PRKCH: variants seen among roughly 807,000 people sequenced by gnomAD.
PRKCH encodes protein kinase C eta type.
Under a neutral mutation model 82.5 loss-of-function variants are expected in PRKCH, and 28 were observed. The observed-to-expected ratio is 0.34, with a 90% CI of 0.25 to 0.47. PRKCH has a LOEUF of 0.47. Among genes scored for constraint, PRKCH ranks in the 20% least tolerant of loss-of-function variants. The pLI, the probability that PRKCH is intolerant of heterozygous loss-of-function variation, is 1.00. For missense variants in PRKCH, 705 were observed against 881.8 expected (o/e 0.80, Z 2.54); for synonymous variants, 322 against 327.4 (o/e 0.98, Z 0.18).
chr14:61,517,939 T>C (rs767545808), intron 10 of PRKCH, among the ~76,000 whole-genome samples: 10 of 152,232 alleles, frequency 6.6e-5, no homozygotes, highest in Non-Finnish European at 1.5e-4. Context: ...TTTGTCCTCC[T>C]GCCCTTGAGT....
rs1369836464 is a variant in PRKCH, at chr14:61,428,038, TATATATAGATAG to T, written c.428-15069_428-15058del. 1.4e-3 allele frequency among the ~76,000 whole-genome samples: 41 copies of T among 29,988 alleles called. No homozygotes were observed. In the Admixed American group the frequency reaches 0.017, roughly 12 times the overall value. The allele number at this position is 29,988 out of a possible 152,430, so 19.7% of individuals were successfully genotyped here. A position where few individuals can be genotyped will look rare whatever the true frequency, so the allele number is the denominator to read the frequency against. ...GTGAAACCTCATCTCCACAAATATA[TATATATAGATAG>T]ATAGATAGATAGATAGATAGATAGA... On this transcript the variant is annotated intron_variant, in intron 2 of 13. Transcript: ENST00000332981.
At chr14:61,368,003 C>T (rs1001950644) in intron 1 of PRKCH, among the ~76,000 whole-genome samples, 11 of 151,948 alleles carry the variant, frequency 7.2e-5, no homozygotes, top group Non-Finnish European at 1.3e-4. Flanking sequence ...CGTGAGCCAC[C>T]GCGCCCAGCC....
chr14:61,409,703 C>CAAAAAAAA (rs56238869), intron 2 of PRKCH, among the ~76,000 whole-genome samples: 1 of 56,114 alleles, frequency 1.8e-5, no homozygotes, highest in African/African-American at 7.0e-5. Context: ...GACCCTGTCT[C>CAAAAAAAA]AAAAAAAAAA....
chr14:61,311,348 A>T (rs1437632075), intron 1 of PRKCH, among the ~76,000 whole-genome samples: 2 of 152,200 alleles, frequency 1.3e-5, no homozygotes, highest in Admixed American at 1.3e-4. Context: ...CTTCAGAGGC[A>T]AAATGCCATC....
intron 2 of PRKCH, among the ~76,000 whole-genome samples, chr14:61,392,341 G>A (rs2140203752): frequency 6.6e-6 from 1 of 152,160 alleles, no homozygotes; most frequent in Middle Eastern, 3.4e-3. Flanking sequence ...CTTCCAGATG[G>A]TTTCCAAAGT....
At chr14:61,339,262 C>T (rs998970533) in intron 1 of PRKCH, among the ~76,000 whole-genome samples, 1 of 151,896 alleles carries the variant, frequency 6.6e-6, no homozygotes, top group African/African-American at 2.4e-5. Flanking sequence ...CTCCCTGGGC[C>T]AGGCCTTCCC....
At chr14:61,188,089 G>A (rs67398447) in intron 1 of PRKCH, among the ~76,000 whole-genome samples, 46,126 of 152,136 alleles carry the variant, frequency 0.3, 7,158 homozygotes, top group Admixed American at 0.39. Flanking sequence ...GGGAGGATTA[G>A]GTGAGATAAC....
chr14:61,365,473 C>T (rs2046286589), intron 1 of PRKCH, among the ~76,000 whole-genome samples: 1 of 152,006 alleles, frequency 6.6e-6, no homozygotes, highest in South Asian at 2.1e-4. Context: ...TTGTTAGTTT[C>T]TGTAGACTAC....
At chr14:61,328,181 C>G (rs888017216) in intron 1 of PRKCH, among the ~76,000 whole-genome samples, 2 of 136,830 alleles carry the variant, frequency 1.5e-5, no homozygotes, top group Non-Finnish European at 3.0e-5. Context: ...ACCCGGGAAG[C>G]GGAGCTTGCA....
intron 1 of PRKCH, among the ~76,000 whole-genome samples, chr14:61,236,762 A>C (rs1176442062): frequency 6.7e-6 from 1 of 150,132 alleles, no homozygotes; most frequent in South Asian, 2.1e-4. Flanking sequence ...CAGTCCCACC[A>C]AAACCAAGAT....
intron 1 of PRKCH, among the ~76,000 whole-genome samples, chr14:61,197,662 C>T (rs1175465059): frequency 6.6e-6 from 1 of 152,158 alleles, no homozygotes; most frequent in African/African-American, 2.4e-5. Flanking sequence ...GAGCAGAGCC[C>T]TCATGACCGT....
chr14:61,188,717 G>GTGTGTC (rs2044387597), intron 1 of PRKCH, among the ~76,000 whole-genome samples: 1 of 146,940 alleles, frequency 6.8e-6, no homozygotes, highest in Non-Finnish European at 1.5e-5. Flanking sequence ...GTGTGTGTGT[G>GTGTGTC]TGTGTGTGTG....
intron 10 of PRKCH, among the ~76,000 whole-genome samples, chr14:61,515,802 G>T (rs1231729006): frequency 6.6e-6 from 1 of 152,144 alleles, no homozygotes; most frequent in Non-Finnish European, 1.5e-5. Context: ...CTCTTTATCA[G>T]TGTTGATTCT....
intron 1 of PRKCH, among the ~76,000 whole-genome samples, chr14:61,250,501 T>C (rs1387959342): frequency 6.6e-6 from 1 of 152,090 alleles, no homozygotes; most frequent in Non-Finnish European, 1.5e-5. Context: ...AGGCTACATG[T>C]TGTATGATTC....
At chr14:61,495,471 T>A (rs1202412329) in intron 10 of PRKCH, among the ~76,000 whole-genome samples, 1 of 152,238 alleles carries the variant, frequency 6.6e-6, no homozygotes, top group East Asian at 1.9e-4. Flanking sequence ...ATTTATTTGC[T>A]GAACAAGAAA....
intron 10 of PRKCH, among the ~76,000 whole-genome samples, chr14:61,519,446 G>A (rs971989170): frequency 7.9e-5 from 12 of 152,122 alleles, no homozygotes; most frequent in African/African-American, 2.9e-4. Flanking sequence ...ATTCAAATAG[G>A]AGTCATTTTT....
intron 1 of PRKCH, among the ~76,000 whole-genome samples, chr14:61,330,598 A>G (rs2045771880): frequency 6.6e-6 from 1 of 152,208 alleles, no homozygotes; most frequent in Non-Finnish European, 1.5e-5. Context: ...AAAAAGCCTG[A>G]TAGCTCTTAG....
chr14:61,188,943 C>A (rs1002120472), intron 1 of PRKCH, among the ~76,000 whole-genome samples: 1 of 152,124 alleles, frequency 6.6e-6, no homozygotes, highest in African/African-American at 2.4e-5. Flanking sequence ...TGGTCTCGAA[C>A]TACTGACCTC....
chr14:61,442,020 C>T (rs943547336), intron 2 of PRKCH, among the ~76,000 whole-genome samples: 8 of 151,956 alleles, frequency 5.3e-5, no homozygotes, highest in Non-Finnish European at 1.0e-4. Context: ...TCTATAATTT[C>T]CTTTGTAACA....
Sources: allele counts gnomAD v4.1 joint callset (sites outside exome capture counted in the v4.1 genomes callset), GRCh38; gene constraint gnomAD v4.1.1; transcripts MANE v1.5; gene names NCBI Gene and HGNC (gene_info 2026-07-23, HGNC 2026-07-21).